GABBR2: variants seen among roughly 807,000 people sequenced by gnomAD.
GABBR2 encodes the protein G-protein coupled receptor 51.
GABBR2 carries 23 observed loss-of-function variants against 105.6 expected under a neutral mutation model. The ratio of observed to expected loss-of-function variants is 0.22; its 90% CI spans 0.16 to 0.31. GABBR2 has a LOEUF of 0.31. GABBR2 is among the 10% of genes least tolerant of loss of function. GABBR2 has a pLI of 1.00. For synonymous variants in GABBR2, 478 were observed against 499.7 expected, an observed-to-expected ratio of 0.96 and a Z score of 0.58; for missense variants, 734 against 1,245.5, an observed-to-expected ratio of 0.59 and a Z score of 6.18.
intron 6 of GABBR2, among the ~76,000 whole-genome samples, chr9:98,462,514 A>C (rs1394039636): frequency 2.0e-5 from 3 of 152,228 alleles, no homozygotes; most frequent in Non-Finnish European, 4.4e-5. Context: ...ATTCACAAAA[A>C]AGGGTATCAA....
intron 1 of GABBR2, among the ~76,000 whole-genome samples, chr9:98,643,857 G>A (rs1037419079): frequency 2.6e-5 from 4 of 152,184 alleles, no homozygotes; most frequent in African/African-American, 9.7e-5. Context: ...GCCACCAAGA[G>A]GAGAAAAGCT....
intron 2 of GABBR2, among the ~76,000 whole-genome samples, chr9:98,576,933 T>TGGATGGATGGATGGAA (rs59494156): frequency 0.06 from 8,669 of 145,448 alleles, 292 homozygotes; most frequent in East Asian, 0.094. Context: ...GATGGATGGA[T>TGGATGGATGGATGGAA]GGATGGATGG....
chr9:98,466,004 G>T (rs886935798), intron 6 of GABBR2, among the ~76,000 whole-genome samples: 1 of 152,098 alleles, frequency 6.6e-6, no homozygotes, highest in Non-Finnish European at 1.5e-5. Flanking sequence ...ACAAGATCGG[G>T]TTGTTTAAAA....
chr9:98,586,828 T>A (rs921130380), intron 1 of GABBR2, among the ~76,000 whole-genome samples: 1 of 152,166 alleles, frequency 6.6e-6, no homozygotes, highest in African/African-American at 2.4e-5. Flanking sequence ...TATGCCACCG[T>A]TTGTTTGTTC....
At chr9:98,515,640 G>A (rs1173345881) in intron 3 of GABBR2, among the ~76,000 whole-genome samples, 1 of 151,980 alleles carries the variant, frequency 6.6e-6, no homozygotes, top group Non-Finnish European at 1.5e-5. Context: ...ACAGCAAAAG[G>A]CATAGGTGCA....
intron 1 of GABBR2, among the ~76,000 whole-genome samples, chr9:98,680,840 G>A (rs4743267): frequency 1 from 151,723 of 152,350 alleles, 75,548 homozygotes; most frequent in Middle Eastern, 1. Context: ...GACTAACTAT[G>A]TATAATGTGT....
intron 7 of GABBR2, among the ~76,000 whole-genome samples, chr9:98,414,681 T>C (rs895890126): frequency 1.3e-5 from 2 of 152,178 alleles, no homozygotes; most frequent in Admixed American, 6.5e-5. Context: ...CCTAGGCACA[T>C]GGCCAGACTA....
intron 3 of GABBR2, among the ~76,000 whole-genome samples, chr9:98,509,532 G>A (rs1326662917): frequency 6.6e-6 from 1 of 152,140 alleles, no homozygotes; most frequent in Non-Finnish European, 1.5e-5. Flanking sequence ...AAAAAAATTA[G>A]ACGAATGGAT....
At chr9:98,606,064 A>G (rs1588248824) in intron 1 of GABBR2, among the ~76,000 whole-genome samples, 1 of 152,286 alleles carries the variant, frequency 6.6e-6, no homozygotes, top group African/African-American at 2.4e-5. Context: ...TGAGAATGAT[A>G]GCTTCCAGCT....
chr9:98,642,137 A>G (rs1829972494), intron 1 of GABBR2, among the ~76,000 whole-genome samples: 1 of 152,194 alleles, frequency 6.6e-6, no homozygotes, highest in Admixed American at 6.5e-5. Context: ...TCAGACCAGA[A>G]TAATATTAAT....
chr9:98,561,295 A>G (rs1179608414), intron 2 of GABBR2, among the ~76,000 whole-genome samples: 7 of 15,084 alleles, frequency 4.6e-4, no homozygotes, highest in Non-Finnish European at 8.4e-4. Flanking sequence ...CATTCCACTG[A>G]AAAAAAAAAA....
At chr9:98,694,055 T>C (rs1425142247) in intron 1 of GABBR2, among the ~76,000 whole-genome samples, 1 of 152,198 alleles carries the variant, frequency 6.6e-6, no homozygotes, top group Non-Finnish European at 1.5e-5. Context: ...CTCCACCAAA[T>C]ACTTGTATAT....
chr9:98,535,695 A>G (rs970609929), intron 3 of GABBR2, among the ~76,000 whole-genome samples: 2 of 152,154 alleles, frequency 1.3e-5, no homozygotes, highest in African/African-American at 4.8e-5. Context: ...TTAATTCAGC[A>G]CTAAAACTAA....
intron 3 of GABBR2, among the ~76,000 whole-genome samples, chr9:98,516,532 C>T (rs915779756): frequency 7.2e-5 from 11 of 152,192 alleles, no homozygotes; most frequent in Non-Finnish European, 4.4e-5. Flanking sequence ...CCAATATTGC[C>T]CAAAGCCATT....
Position 98,493,057 on chromosome 9 carries a change from C to T in GABBR2, c.732+3356G>A, listed in dbSNP as rs1827211503. On this transcript the variant is annotated intron_variant, in intron 4 of 18. Transcript: ENST00000259455. ...GTGTAGGAGGTTTGCCTATATTCTC[C>T]CATTTATTAGTCAATCATTTACATA... Among the ~76,000 whole-genome samples the T allele has an allele frequency of 2.6e-5, 4 of 152,096 alleles. No individual in the cohort carries two copies. In the South Asian group the frequency reaches 8.3e-4, roughly 32 times the overall value.
intron 7 of GABBR2, among the ~76,000 whole-genome samples, chr9:98,433,942 A>T (rs543102829): frequency 6.6e-6 from 1 of 152,086 alleles, no homozygotes; most frequent in Non-Finnish European, 1.5e-5. Flanking sequence ...GGATTGAAGG[A>T]TACAATCCTT....
intron 7 of GABBR2, among the ~76,000 whole-genome samples, chr9:98,420,228 T>A (rs1832758843): frequency 6.6e-6 from 1 of 152,118 alleles, no homozygotes; most frequent in African/African-American, 2.4e-5. Flanking sequence ...CCTCTGGATA[T>A]ACAAGTCCTC....
intron 1 of GABBR2, among the ~76,000 whole-genome samples, chr9:98,643,577 C>A (rs547372635): frequency 6.6e-6 from 1 of 152,178 alleles, no homozygotes; most frequent in Non-Finnish European, 1.5e-5. Context: ...GATAAGACCA[C>A]GAGCTCCTTG....
At chr9:98,501,137 T>G (rs1469577885) in intron 3 of GABBR2, among the ~76,000 whole-genome samples, 1 of 64,016 alleles carries the variant, frequency 1.6e-5, no homozygotes. Context: ...CCCCCCCCCT[T>G]CCCCGCCCCC....
Sources: gnomAD v4.1 joint callset for allele counts (sites outside exome capture counted in the v4.1 genomes callset) on GRCh38, gnomAD v4.1.1 for gene constraint, MANE v1.5 for transcripts, NCBI Gene and HGNC (gene_info 2026-07-23, HGNC 2026-07-21) for gene names.